NKAIN3: variants seen among roughly 807,000 people sequenced by gnomAD.
NKAIN3 encodes the protein sodium/potassium transporting ATPase interacting 3, also known as sodium/potassium-transporting ATPase subunit beta-1-interacting protein 3.
In NKAIN3, 25 loss-of-function variants were observed where a neutral mutation model predicts 30.2. The ratio of observed to expected loss-of-function variants is 0.83; its 90% CI spans 0.60 to 1.16. NKAIN3 has a LOEUF of 1.16. Ranked by LOEUF, NKAIN3 falls within the 50% of genes most tolerant of loss-of-function variation. The pLI is 0.00. For missense variants in NKAIN3, 225 were observed against 254.1 expected, an observed-to-expected ratio of 0.89 and a Z score of 0.78; for synonymous variants, 91 against 89.6, an observed-to-expected ratio of 1.02 and a Z score of -0.09.
intron 1 of NKAIN3, among the ~76,000 whole-genome samples, chr8:62,269,168 C>G (rs565932554): frequency 6.6e-6 from 1 of 152,240 alleles, no homozygotes; most frequent in South Asian, 2.1e-4. Context: ...CAATAAAACC[C>G]CTGTGCATGG....
At chr8:62,367,497 A>G (rs531625437) in intron 1 of NKAIN3, among the ~76,000 whole-genome samples, 1 of 152,344 alleles carries the variant, frequency 6.6e-6, no homozygotes, top group Admixed American at 6.5e-5. Context: ...AGATGCAGAA[A>G]AATGTTATAA....
intron 1 of NKAIN3, among the ~76,000 whole-genome samples, chr8:62,488,071 G>T (rs1585863344): frequency 6.6e-6 from 1 of 152,126 alleles, no homozygotes; most frequent in Non-Finnish European, 1.5e-5. Context: ...TAATGAATTA[G>T]ACATTGCATC....
At chr8:62,322,960 T>C (rs1016643903) in intron 1 of NKAIN3, among the ~76,000 whole-genome samples, 20 of 152,188 alleles carry the variant, frequency 1.3e-4, no homozygotes, top group African/African-American at 4.6e-4. Flanking sequence ...ATCAGGATAA[T>C]GCAAATTAAA....
At chr8:62,703,765 A>T (rs561979354) in intron 3 of NKAIN3, among the ~76,000 whole-genome samples, 1 of 152,210 alleles carries the variant, frequency 6.6e-6, no homozygotes, top group African/African-American at 2.4e-5. Flanking sequence ...TTTAAGCTAC[A>T]CACTTGATCT....
intron 1 of NKAIN3, among the ~76,000 whole-genome samples, chr8:62,327,417 C>A (rs1043270556): frequency 2.0e-5 from 3 of 151,966 alleles, no homozygotes; most frequent in Non-Finnish European, 4.4e-5. Context: ...AGATTTTGCT[C>A]TATGTTTTCT....
chr8:62,526,099 A>C (rs1463355435), intron 1 of NKAIN3, among the ~76,000 whole-genome samples: 1 of 152,148 alleles, frequency 6.6e-6, no homozygotes, highest in Non-Finnish European at 1.5e-5. Flanking sequence ...CAGAGGAGAC[A>C]ACCTGCACAA....
At chr8:62,520,871 G>A (rs965027809) in intron 1 of NKAIN3, among the ~76,000 whole-genome samples, 6 of 151,658 alleles carry the variant, frequency 4.0e-5, no homozygotes, top group South Asian at 2.1e-4. Flanking sequence ...AGAGACAAGC[G>A]AAATGTCACA....
At chr8:62,375,469 A>C (rs1817045492) in intron 1 of NKAIN3, among the ~76,000 whole-genome samples, 1 of 152,202 alleles carries the variant, frequency 6.6e-6, no homozygotes. Flanking sequence ...AGAGTCAGAG[A>C]GATCTGATTA....
At chr8:62,864,034 G>C (rs1413434862) in intron 4 of NKAIN3, 1 of 707,212 alleles carries the variant, frequency 1.4e-6, no homozygotes, top group African/African-American at 1.8e-5. Flanking sequence ...CTCTCTTTTC[G>C]GCCTCCGCTT....
intron 4 of NKAIN3, among the ~76,000 whole-genome samples, chr8:62,829,708 ATTTAT>A: frequency 6.6e-6 from 1 of 150,914 alleles, no homozygotes; most frequent in Admixed American, 6.6e-5. Flanking sequence ...ACAAGGCTAA[ATTTAT>A]TTTGTTGTTT....
At chr8:62,492,149 A>G (rs1478688443) in intron 1 of NKAIN3, among the ~76,000 whole-genome samples, 1 of 152,156 alleles carries the variant, frequency 6.6e-6, no homozygotes, top group East Asian at 1.9e-4. Flanking sequence ...CAAGAAATTT[A>G]GTTAAGAAGG....
At chr8:62,568,894 G>A (rs375585827) in intron 1 of NKAIN3, among the ~76,000 whole-genome samples, 1 of 152,052 alleles carries the variant, frequency 6.6e-6, no homozygotes, top group African/African-American at 2.4e-5. Context: ...CTAGTTCAAG[G>A]AACAACCTAG....
At chr8:62,732,922 A>T (rs1000661105) in intron 3 of NKAIN3, among the ~76,000 whole-genome samples, 2 of 152,102 alleles carry the variant, frequency 1.3e-5, no homozygotes, top group Admixed American at 1.3e-4. Flanking sequence ...GAATTAGTCA[A>T]ATAAATATTT....
At chr8:62,961,587 C>A (rs1250947159) in intron 6 of NKAIN3, among the ~76,000 whole-genome samples, 1 of 152,060 alleles carries the variant, frequency 6.6e-6, no homozygotes, top group Admixed American at 6.5e-5. Context: ...GGTTTTAAAA[C>A]TTTTTTTAAA....
chr8:62,321,381 G>A (rs981245453), intron 1 of NKAIN3, among the ~76,000 whole-genome samples: 6 of 152,160 alleles, frequency 3.9e-5, no homozygotes, highest in Non-Finnish European at 7.3e-5. Flanking sequence ...GAGGAGCTGC[G>A]TTGCTTTGCA....
At chr8:62,375,811 A>G (rs1817061692) in intron 1 of NKAIN3, among the ~76,000 whole-genome samples, 1 of 152,204 alleles carries the variant, frequency 6.6e-6, no homozygotes, top group African/African-American at 2.4e-5. Context: ...TTAACAATAA[A>G]TTCTAAGGAT....
chr8:62,907,130 T>C (rs1821799335), intron 4 of NKAIN3, among the ~76,000 whole-genome samples: 1 of 152,194 alleles, frequency 6.6e-6, no homozygotes, highest in Non-Finnish European at 1.5e-5. Flanking sequence ...TAAAGGTGAC[T>C]CTTGCTATGT....
At chr8:62,634,610 G>A (rs559666975) in intron 3 of NKAIN3, among the ~76,000 whole-genome samples, 11 of 152,336 alleles carry the variant, frequency 7.2e-5, no homozygotes, top group African/African-American at 2.4e-4. Context: ...ACAAAGAGTA[G>A]TAGCTGCACT....
intron 1 of NKAIN3, among the ~76,000 whole-genome samples, chr8:62,540,548 G>A (rs1185915020): frequency 6.6e-6 from 1 of 151,916 alleles, no homozygotes; most frequent in African/African-American, 2.4e-5. Context: ...AGTATAAATT[G>A]GTCAATATGT....
Sources: gnomAD v4.1 joint callset for allele counts (sites outside exome capture counted in the v4.1 genomes callset) on GRCh38, gnomAD v4.1.1 for gene constraint, MANE v1.5 for transcripts, NCBI Gene and HGNC (gene_info 2026-07-23, HGNC 2026-07-21) for gene names.